HPD: variants seen among roughly 807,000 people sequenced by gnomAD.
HPD encodes the protein 4-hydroxyphenylpyruvic acid oxidase.
In HPD, 35 loss-of-function variants were observed where a neutral mutation model predicts 56.9. The observed-to-expected ratio is 0.62, with a 90% CI of 0.47 to 0.82. HPD has a LOEUF of 0.82. Ranked by LOEUF, HPD falls within the 40% of genes least tolerant of loss-of-function variation. HPD has a pLI of 0.00. For missense variants in HPD, 442 were observed against 506.8 expected (o/e 0.87, Z 1.23); for synonymous variants, 186 against 200.2 (o/e 0.93, Z 0.60).
the HPD span, among the ~76,000 whole-genome samples, chr12:121,881,419 C>T: frequency 6.6e-6 from 1 of 152,142 alleles, no homozygotes; most frequent in Non-Finnish European, 1.5e-5. Context: ...GGTATCTCTT[C>T]CTTGGCTTCC....
chr12:121,841,686 CT>C (rs777692770), intron 12 of HPD, among the ~76,000 whole-genome samples: 157 of 146,148 alleles, frequency 1.1e-3, no homozygotes, highest in Middle Eastern at 7.5e-3. Context: ...TTTGTGATTC[CT>C]TTTTTTTTTT....
At chr12:121,882,165 T>A in the HPD span, among the ~76,000 whole-genome samples, 2 of 151,804 alleles carry the variant, frequency 1.3e-5, no homozygotes, top group African/African-American at 4.8e-5. Context: ...GCTGTCAGAG[T>A]CCAGACCCTT....
At chr12:121,848,896 G>T in intron 9 of HPD, 103 bp downstream of exon 9, 2 of 911,394 alleles carry the variant, frequency 2.2e-6, no homozygotes, top group Non-Finnish European at 3.7e-6. Context: ...GTGAGCCACT[G>T]CACCCAGTCG....
At chr12:121,876,920 C>A in the HPD span, among the ~76,000 whole-genome samples, 1 of 151,662 alleles carries the variant, frequency 6.6e-6, no homozygotes, top group Non-Finnish European at 1.5e-5. Flanking sequence ...ATGGTGAAAC[C>A]CCGTCTGTAC....
At chr12:121,858,065 CTT>C (rs1160498104) in intron 2 of HPD, among the ~76,000 whole-genome samples, 1 of 152,152 alleles carries the variant, frequency 6.6e-6, no homozygotes, top group East Asian at 1.9e-4. Flanking sequence ...GGGAAATAGA[CTT>C]ATGTTGCAGC....
chr12:121,885,837 C>T, the HPD span, among the ~76,000 whole-genome samples: 1 of 151,480 alleles, frequency 6.6e-6, no homozygotes, highest in Non-Finnish European at 1.5e-5. Context: ...TGGTGGCATA[C>T]GCCTGTAATC....
At chr12:121,884,295 T>A in the HPD span, among the ~76,000 whole-genome samples, 31 of 151,976 alleles carry the variant, frequency 2.0e-4, no homozygotes, top group African/African-American at 7.2e-4. Context: ...CCCAAGTAGC[T>A]GGGATTACAG....
chr12:121,866,787 G>A (rs1466054014), upstream of HPD, among the ~76,000 whole-genome samples: 1 of 151,950 alleles, frequency 6.6e-6, no homozygotes, highest in Non-Finnish European at 1.5e-5. Context: ...ACTGAAAAGA[G>A]TATTTCAGCG....
chr12:121,864,885 A>C (rs1298832151), upstream of HPD, among the ~76,000 whole-genome samples: 7 of 150,878 alleles, frequency 4.6e-5, no homozygotes, highest in South Asian at 2.1e-4. Flanking sequence ...ACAACAACAA[A>C]AAACTCCTGT....
Position 121,844,369 on chromosome 12 carries a change from A to G in HPD, c.832-537T>C, listed in dbSNP as rs1215721095. 3.9e-5 allele frequency among the ~76,000 whole-genome samples: 6 copies of G among 151,958 alleles called. No individual in the cohort carries two copies. In the East Asian group the frequency reaches 9.7e-4, roughly 25 times the overall value. ...CTGAGCACTTTCTACGTATTCCCTC[A>G]TTATGTCCATGCAGCAATCTTTTGA... On this transcript the variant is annotated intron_variant, in intron 11 of 13. Coordinates refer to ENST00000289004, the MANE Select transcript of HPD (RefSeq NM_002150.3).
At chr12:121,882,560 A>G in the HPD span, among the ~76,000 whole-genome samples, 3 of 152,160 alleles carry the variant, frequency 2.0e-5, no homozygotes, top group East Asian at 3.9e-4. Flanking sequence ...ACAGTCCAAC[A>G]TTTGAAGATA....
At chr12:121,884,602 T>C in the HPD span, among the ~76,000 whole-genome samples, 2 of 100,498 alleles carry the variant, frequency 2.0e-5, no homozygotes, top group Non-Finnish European at 4.2e-5. Context: ...CCACTGCACC[T>C]GTATCTCTCT....
chr12:121,850,021 C>T lies in HPD; in HGVS notation c.415-231G>A, dbSNP rs186666878. The T allele has an allele frequency of 7.1e-4, 375 of 529,216 alleles. 1 individual carries two copies. The highest frequency in any genetic ancestry group is 6.6e-3 in the African/African-American group (346 of 52,712). The allele number at this position is 529,216 out of a possible 1,614,324, so 32.8% of individuals were successfully genotyped here. ...GTTTTGCTCATGATGGTGTACCCAG[C>T]GCCAAGCTCAGTGCCTGGCACAGGG... On this transcript the variant is annotated intron_variant, in intron 7 of 13. Transcript: ENST00000289004.
At chr12:121,871,821 A>T in the HPD span, among the ~76,000 whole-genome samples, 1 of 152,032 alleles carries the variant, frequency 6.6e-6, no homozygotes, top group Non-Finnish European at 1.5e-5. Context: ...TAGTGTCCTA[A>T]CTGTGCAAGC....
Position 121,839,805 on chromosome 12 carries a change from T to G in HPD, c.1105A>C (p.Lys369Gln), listed in dbSNP as rs1877345629. The G allele has an allele frequency of 6.2e-7, 1 of 1,614,150 alleles. No individual in the cohort carries two copies. The highest frequency in any genetic ancestry group is 8.5e-7 in the Non-Finnish European group (1 of 1,179,996). The change falls in exon 14 of 14, where the codon AAG becomes CAG. Residue 369 changes from lysine to glutamine, a missense_variant. Coordinates refer to ENST00000289004, the MANE Select transcript of HPD (RefSeq NM_002150.3). The part of the protein sequence containing the change: ...FGAGNFNSLF[K>Q]AFEEEQNLRG... ...AGGTTCTGCTCCTCCTCGAAAGCCT[T>G]GAACAGTGAGTTGAAGTTGCCGGCT...
At chr12:121,847,803 C>T (rs1182174960) in intron 9 of HPD, among the ~76,000 whole-genome samples, 1 of 152,132 alleles carries the variant, frequency 6.6e-6, no homozygotes, top group Non-Finnish European at 1.5e-5. Context: ...TCCCAAAGTG[C>T]TGGGATTACA....
the HPD span, among the ~76,000 whole-genome samples, chr12:121,869,990 C>G: frequency 6.6e-6 from 1 of 151,904 alleles, no homozygotes; most frequent in East Asian, 1.9e-4. Flanking sequence ...GTTGCCTAGG[C>G]TAACCTTGAA....
the HPD span, among the ~76,000 whole-genome samples, chr12:121,871,707 C>G: frequency 6.6e-6 from 1 of 152,146 alleles, no homozygotes. Context: ...CACCAGGCAC[C>G]AGTGATGGCT....
the HPD span, among the ~76,000 whole-genome samples, chr12:121,868,840 C>T: frequency 1.3e-5 from 2 of 151,966 alleles, no homozygotes; most frequent in Admixed American, 6.6e-5. Flanking sequence ...ATTTCTTAAT[C>T]GAATTATAGT....
Sources: gnomAD v4.1 joint callset for allele counts (sites outside exome capture counted in the v4.1 genomes callset) on GRCh38, gnomAD v4.1.1 for gene constraint, MANE v1.5 for transcripts, NCBI Gene and HGNC (gene_info 2026-07-23, HGNC 2026-07-21) for gene names.